The following MYO1H variants were observed in gnomAD, a reference collection of about 807,000 sequenced individuals.
MYO1H encodes the protein unconventional myosin-Ih.
MYO1H carries 118 observed loss-of-function variants against 149.3 expected under a neutral mutation model. That is an observed-to-expected ratio of 0.79 (90% CI 0.68 to 0.92). MYO1H has a LOEUF of 0.92. Ranked by LOEUF, MYO1H falls within the 40% of genes least tolerant of loss-of-function variation. The pLI is 0.00. For missense variants in MYO1H, 1,212 were observed against 1,280.7 expected (o/e 0.95, Z 0.82); for synonymous variants, 447 against 465.2 (o/e 0.96, Z 0.50).
intron 6 of MYO1H, among the ~76,000 whole-genome samples, chr12:109,403,758 A>C (rs2137053237): frequency 6.6e-6 from 1 of 152,358 alleles, no homozygotes; most frequent in Non-Finnish European, 1.5e-5. Flanking sequence ...TGTAACTTGG[A>C]ATGTTTTCCC....
chr12:109,332,834 T>C, the MYO1H span, among the ~76,000 whole-genome samples: 1 of 152,304 alleles, frequency 6.6e-6, no homozygotes, highest in East Asian at 1.9e-4. Flanking sequence ...TCCTCCTGCC[T>C]TTCTTCCCAA....
At chr12:109,420,990 A>G (rs768950064) in exon 16 of MYO1H, 4 of 1,581,066 alleles carry the variant, frequency 2.5e-6, no homozygotes, top group South Asian at 2.3e-5. Flanking sequence ...GGATTCTTGG[A>G]AAAAAACAAT....
At chr12:109,410,222 A>G (rs916635073) in intron 12 of MYO1H, among the ~76,000 whole-genome samples, 154 bp downstream of exon 12, 1 of 151,906 alleles carries the variant, frequency 6.6e-6, no homozygotes, top group East Asian at 1.9e-4. Context: ...ACTGGTTGCA[A>G]CCTCCACCTC....
intron 1 of MYO1H, 96 bp from the exon 2 acceptor site, chr12:109,388,587 A>G: frequency 8.6e-7 from 1 of 1,157,510 alleles, no homozygotes; most frequent in Non-Finnish European, 1.2e-6. Context: ...GCTCTCTACT[A>G]TCCCAGGGTT....
At chr12:109,324,297 C>T in the MYO1H span, among the ~76,000 whole-genome samples, 1 of 152,154 alleles carries the variant, frequency 6.6e-6, no homozygotes, top group African/African-American at 2.4e-5. Context: ...TTTAATCTAG[C>T]CCCGGAAGCC....
the MYO1H span, among the ~76,000 whole-genome samples, chr12:109,336,495 C>T: frequency 6.6e-6 from 1 of 152,224 alleles, no homozygotes; most frequent in African/African-American, 2.4e-5. Context: ...TGGTCTTGTG[C>T]TCTCTCTCAG....
intron 1 of MYO1H, among the ~76,000 whole-genome samples, chr12:109,368,220 G>A (rs1168362637): frequency 6.6e-6 from 1 of 152,230 alleles, no homozygotes. Context: ...CGCTCCTCAA[G>A]GACAGGAATA....
intron 1 of MYO1H, among the ~76,000 whole-genome samples, chr12:109,382,205 C>CT (rs200772056): frequency 3.0e-4 from 46 of 151,124 alleles, no homozygotes; most frequent in South Asian, 8.4e-4. Context: ...CCTATGAAGT[C>CT]TTTTTTTTTG....
intron 1 of MYO1H, among the ~76,000 whole-genome samples, chr12:109,369,355 G>C (rs1319192298): frequency 3.3e-5 from 5 of 152,140 alleles, no homozygotes; most frequent in Non-Finnish European, 7.3e-5. Context: ...AATACAGCAT[G>C]CTGCATCTTA....
At chr12:109,312,954 A>G in the MYO1H span, among the ~76,000 whole-genome samples, 43 of 152,080 alleles carry the variant, frequency 2.8e-4, no homozygotes, top group African/African-American at 9.9e-4. Context: ...AAAGTTCTCA[A>G]TGGAGGCTGG....
chr12:109,356,566 A>G (rs1013050838), intron 1 of MYO1H, among the ~76,000 whole-genome samples: 4 of 152,206 alleles, frequency 2.6e-5, no homozygotes, highest in Non-Finnish European at 4.4e-5. Context: ...AAGTAGTGCA[A>G]GAAGACTAGG....
chr12:109,401,254 G>A (rs1233856493), exon 6 of MYO1H: 3 of 1,612,248 alleles, frequency 1.9e-6, no homozygotes, highest in Non-Finnish European at 2.5e-6. Flanking sequence ...ACCCCCAGCT[G>A]TATAAATACC....
chr12:109,407,884 A>C lies in MYO1H; in HGVS notation c.1126A>C (p.Asn376His), dbSNP rs753332341. 5 of 1,613,898 alleles carry C rather than the reference A, an allele frequency of 3.1e-6. No individual in the cohort carries two copies. The Admixed American group carries it at 8.3e-5, about 27-fold the overall frequency. ...TGGACGAACGTTTACTTGGCTGGTC[A>C]ACAAAATCAATTCCTCCTTAGTTAA... Residue 376 changes from asparagine to histidine, a missense_variant, in exon 10 of 32, where the codon AAC (asparagine) becomes CAC (histidine). Asn to His is a moderately conservative substitution (Grantham distance 68, BLOSUM62 1). Coordinates refer to ENST00000310903, the Ensembl canonical transcript of MYO1H.
In MYO1H at chr12:109,416,834, A is replaced by G. The variant is rs1870931953; in HGVS notation, c.1597+1214A>G. ...GAAGCCCCATCTCTACTAAAAATAC[A>G]AAAATTATGTTAAAAATACAAAATT... is the stretch of plus-strand genomic sequence containing the variant. On this transcript the variant is annotated intron_variant, in intron 15 of 31. Transcript: ENST00000310903. Among the ~76,000 whole-genome samples the G allele has an allele frequency of 2.0e-5, 3 of 150,264 alleles. No homozygotes were observed. The South Asian group carries it at 6.2e-4, about 31-fold the overall frequency.
At chr12:109,347,643 T>C (rs548109357), upstream of MYO1H, among the ~76,000 whole-genome samples, 3 of 152,156 alleles carry the variant, frequency 2.0e-5, no homozygotes, top group East Asian at 3.9e-4. Context: ...CCTGCCATTA[T>C]TTCAATAGTC....
intron 1 of MYO1H, among the ~76,000 whole-genome samples, chr12:109,366,331 A>G (rs1368288099): frequency 1.3e-5 from 2 of 152,222 alleles, no homozygotes; most frequent in East Asian, 1.9e-4. Context: ...CCAATGGCCC[A>G]TCAACTTTAA....
exon 18 of MYO1H, chr12:109,425,974 GCAGCCTTCTAGAAAC>G (rs772213020): frequency 3.7e-6 from 6 of 1,613,728 alleles, no homozygotes; most frequent in Admixed American, 1.7e-5. Context: ...AACAGTCTGA[GCAGCCTTCTAGAAAC>G]CCTCATCTCT....
At chr12:109,438,719 T>A in intron 23 of MYO1H, 99 bp downstream of exon 23, 1 of 928,128 alleles carries the variant, frequency 1.1e-6, no homozygotes, top group South Asian at 1.6e-5. Flanking sequence ...TTTTTTGATT[T>A]GTGCAGAAAG....
intron 1 of MYO1H, among the ~76,000 whole-genome samples, chr12:109,362,618 A>G (rs780549422): frequency 6.6e-6 from 1 of 152,228 alleles, no homozygotes; most frequent in Non-Finnish European, 1.5e-5. Context: ...TGGACAAAAG[A>G]GGATGGGTTT....
Sources: allele counts gnomAD v4.1 joint callset (sites outside exome capture counted in the v4.1 genomes callset), GRCh38; gene constraint gnomAD v4.1.1; transcripts MANE v1.5; gene names NCBI Gene and HGNC (gene_info 2026-07-23, HGNC 2026-07-21).